The following HDAC9 variants were observed in gnomAD, a reference collection of about 807,000 sequenced individuals.
The protein encoded by HDAC9 is histone deacetylase 9, also known as MEF-2 interacting transcription repressor (MITR) protein.
In HDAC9, 41 loss-of-function variants were observed where a neutral mutation model predicts 139.4. The ratio of observed to expected loss-of-function variants is 0.29; its 90% confidence interval spans 0.23 to 0.38. The LOEUF (loss-of-function observed/expected upper bound fraction) is 0.38. Among genes scored for constraint, HDAC9 ranks in the 10% least tolerant of loss-of-function variants. HDAC9 has a pLI of 1.00. For missense variants in HDAC9, 1,147 were observed against 1,297.0 expected, an observed-to-expected ratio of 0.88 and a Z score of 1.78; for synonymous variants, 517 against 476.2, an observed-to-expected ratio of 1.09 and a Z score of -1.12.
intron 1 of HDAC9, among the ~76,000 whole-genome samples, chr7:18,148,033 A>G (rs1786478996): frequency 6.6e-6 from 1 of 152,136 alleles, no homozygotes; most frequent in African/African-American, 2.4e-5. Context: ...TTTCTGTTCT[A>G]CATTGTCTTG....
At chr7:18,436,561 T>G (rs1339934578) in intron 1 of HDAC9, among the ~76,000 whole-genome samples, 1 of 152,254 alleles carries the variant, frequency 6.6e-6, no homozygotes, top group African/African-American at 2.4e-5. Flanking sequence ...TGTTTGGTGC[T>G]TCACATATAC....
intron 12 of HDAC9, among the ~76,000 whole-genome samples, chr7:18,675,172 T>C (rs1468211753): frequency 6.6e-6 from 1 of 152,036 alleles, no homozygotes; most frequent in Non-Finnish European, 1.5e-5. Context: ...AATGTGGAAA[T>C]TGATGTGTTG....
chr7:18,901,439 A>G (rs189899445), intron 22 of HDAC9, among the ~76,000 whole-genome samples: 16 of 152,216 alleles, frequency 1.1e-4, no homozygotes, highest in South Asian at 4.1e-4. Flanking sequence ...TGATATTTCA[A>G]CTGCATCAAT....
chr7:18,373,485 CA>C (rs1209868647), intron 1 of HDAC9, among the ~76,000 whole-genome samples: 2 of 152,130 alleles, frequency 1.3e-5, no homozygotes, highest in Non-Finnish European at 2.9e-5. Context: ...AGGGTCTTAG[CA>C]ATGACAGTGA....
At chr7:18,791,069 T>C (rs1395850327) in intron 16 of HDAC9, among the ~76,000 whole-genome samples, 1 of 152,192 alleles carries the variant, frequency 6.6e-6, no homozygotes, top group Non-Finnish European at 1.5e-5. Flanking sequence ...CGCAAACGTA[T>C]TTGTGGCTAC....
At chr7:18,378,667 A>G (rs1785187749) in intron 1 of HDAC9, among the ~76,000 whole-genome samples, 1 of 152,146 alleles carries the variant, frequency 6.6e-6, no homozygotes, top group South Asian at 2.1e-4. Context: ...ATTTATGCAC[A>G]TATGTTTATA....
At chr7:18,257,828 T>A (rs187064532) in intron 2 of HDAC9, among the ~76,000 whole-genome samples, 16 of 152,328 alleles carry the variant, frequency 1.1e-4, no homozygotes, top group Admixed American at 2.6e-4. Context: ...AATTGCATAA[T>A]GCCTAAGCAT....
intron 2 of HDAC9, among the ~76,000 whole-genome samples, chr7:18,267,094 C>G (rs1049778622): frequency 1.3e-5 from 2 of 152,028 alleles, no homozygotes; most frequent in Admixed American, 1.3e-4. Context: ...CTCCAAAGTA[C>G]ATTTTGCTAA....
intron 17 of HDAC9, among the ~76,000 whole-genome samples, chr7:18,819,707 TC>T (rs1794823497): frequency 6.6e-6 from 1 of 152,216 alleles, no homozygotes; most frequent in Non-Finnish European, 1.5e-5. Context: ...GAGTATTCAG[TC>T]CTTGAAAGAT....
chr7:18,103,361 G>T (rs530630311), intron 1 of HDAC9, among the ~76,000 whole-genome samples: 1 of 152,138 alleles, frequency 6.6e-6, no homozygotes, highest in East Asian at 1.9e-4. Context: ...TATATTCGGG[G>T]GATACATATG....
intron 1 of HDAC9, among the ~76,000 whole-genome samples, chr7:18,444,908 A>G (rs1419969498): frequency 6.6e-6 from 1 of 152,172 alleles, no homozygotes; most frequent in East Asian, 1.9e-4. Flanking sequence ...GCAATAGAAA[A>G]TATTATCTTT....
chr7:18,513,648 A>G (rs1802269670), intron 2 of HDAC9, among the ~76,000 whole-genome samples: 1 of 152,088 alleles, frequency 6.6e-6, no homozygotes. Context: ...AATAGAGAGG[A>G]TTTTCAGGAG....
rs188415574 is a variant in HDAC9, at chr7:18,636,431, T to C, written c.912+1689T>C. The stretch of plus-strand genomic sequence containing the variant: ...CTCAAGCTGTTAACTTGACTTATCA[T>C]GGCACCACATTTGTAGTTCCCACGT... On this transcript the variant is annotated intron_variant, in intron 8 of 25. Transcript: ENST00000686413. Among the ~76,000 whole-genome samples the C allele has an allele frequency of 4.0e-3, 606 of 152,174 alleles. 4 individuals are homozygous for C. Among genetic ancestry groups the C allele is most frequent in the African/African-American group, 0.014 (575 of 41,534 alleles).
chr7:18,696,798 T>A (rs1020117188), intron 12 of HDAC9, among the ~76,000 whole-genome samples: 3 of 152,088 alleles, frequency 2.0e-5, no homozygotes, highest in African/African-American at 7.2e-5. Context: ...GACTTAGGAA[T>A]CTATGGCTGT....
chr7:18,754,414 C>G (rs929931351), intron 14 of HDAC9, among the ~76,000 whole-genome samples: 1 of 152,006 alleles, frequency 6.6e-6, no homozygotes, highest in African/African-American at 2.4e-5. Flanking sequence ...AATGCACTTG[C>G]AGTTGTTTTT....
intron 11 of HDAC9, among the ~76,000 whole-genome samples, chr7:18,664,574 A>C (rs1794237069): frequency 6.6e-6 from 1 of 151,996 alleles, no homozygotes; most frequent in Non-Finnish European, 1.5e-5. Flanking sequence ...TTTCCAATCC[A>C]AAGTCCCCAC....
chr7:18,108,822 A>G (rs540698508), intron 1 of HDAC9, among the ~76,000 whole-genome samples: 3 of 151,958 alleles, frequency 2.0e-5, no homozygotes, highest in Non-Finnish European at 4.4e-5. Flanking sequence ...GAGTTTCACC[A>G]TGTTGGTCAG....
At chr7:18,215,642 G>C (rs1792254537) in intron 2 of HDAC9, among the ~76,000 whole-genome samples, 2 of 152,180 alleles carry the variant, frequency 1.3e-5, no homozygotes, top group South Asian at 4.1e-4. Context: ...CCAAAAGGGG[G>C]CACTGCTCTC....
chr7:18,618,841 G>GA (rs1222952442), intron 6 of HDAC9, among the ~76,000 whole-genome samples: 2 of 148,078 alleles, frequency 1.4e-5, no homozygotes, highest in Admixed American at 6.8e-5. Context: ...TTGTTTACAA[G>GA]AAAAAATACA....
Sources: gnomAD v4.1 joint callset for allele counts (sites outside exome capture counted in the v4.1 genomes callset) on GRCh38, gnomAD v4.1.1 for gene constraint, MANE v1.5 for transcripts, NCBI Gene and HGNC (gene_info 2026-07-23, HGNC 2026-07-21) for gene names.